BPNT2: variants seen among roughly 807,000 people sequenced by gnomAD.
BPNT2 encodes Golgi-resident adenosine 3',5'-bisphosphate 3'-phosphatase.
Under a neutral mutation model 29.3 loss-of-function variants are expected in BPNT2, and 11 were observed. The observed-to-expected ratio is 0.38, with a 90% CI of 0.24 to 0.62. The LOEUF (loss-of-function observed/expected upper bound fraction) is 0.62. BPNT2 is among the 20% of genes least tolerant of loss of function. The pLI, the probability that BPNT2 is intolerant of heterozygous loss-of-function variation, is 0.62. For missense variants in BPNT2, 459 were observed against 473.4 expected (o/e 0.97, Z 0.28); for synonymous variants, 195 against 187.7 (o/e 1.04, Z -0.32).
At chr8:56,972,891 T>C (rs988684779) in intron 3 of BPNT2, among the ~76,000 whole-genome samples, 1 of 151,742 alleles carries the variant, frequency 6.6e-6, no homozygotes, top group Non-Finnish European at 1.5e-5. Context: ...AAAATACATT[T>C]ATTAGTAAGG....
At chr8:56,969,033 G>C (rs1157549111) in intron 3 of BPNT2, among the ~76,000 whole-genome samples, 2 of 152,134 alleles carry the variant, frequency 1.3e-5, no homozygotes, top group East Asian at 1.9e-4. Flanking sequence ...TGGCTGGAGT[G>C]ATGCATCTAC....
intron 3 of BPNT2, among the ~76,000 whole-genome samples, chr8:56,975,819 A>G (rs997086389): frequency 1.3e-5 from 2 of 152,170 alleles, no homozygotes; most frequent in African/African-American, 4.8e-5. Flanking sequence ...TTTGAATAAA[A>G]TTTCTATGGT....
At chr8:56,977,206 C>T (rs188281535) in intron 3 of BPNT2, among the ~76,000 whole-genome samples, 12 of 152,190 alleles carry the variant, frequency 7.9e-5, no homozygotes, top group African/African-American at 2.9e-4. Flanking sequence ...CAATCTGTAC[C>T]ACAAACTTGG....
Position 56,971,784 on chromosome 8 carries a change from C to CA in BPNT2, c.647-5433_647-5432insT, listed in dbSNP as rs1554539117. ...TATTACTGAAATAATTTTGTACCAC[C>CA]CCCCCCCCCACAATGCTACTGTGTG... On this transcript the variant is annotated intron_variant, in intron 3 of 4. Coordinates refer to ENST00000262644, the MANE Select transcript of BPNT2 (RefSeq NM_017813.5). 5.7e-3 allele frequency among the ~76,000 whole-genome samples: 799 copies of CA among 139,604 alleles called. 44 individuals are homozygous for CA. The highest frequency in any genetic ancestry group is 0.019 in the African/African-American group (735 of 38,022). The allele number at this position is 139,604 out of a possible 152,430, so 91.6% of individuals were successfully genotyped here.
At chr8:56,987,180 G>A (rs1375041802) in intron 1 of BPNT2, among the ~76,000 whole-genome samples, 1 of 152,082 alleles carries the variant, frequency 6.6e-6, no homozygotes, top group Non-Finnish European at 1.5e-5. Context: ...AGAAGGAATC[G>A]ATCATTTACT....
At chr8:56,966,613 T>C (rs770556796) in intron 3 of BPNT2, among the ~76,000 whole-genome samples, 13 of 152,176 alleles carry the variant, frequency 8.5e-5, no homozygotes, top group African/African-American at 2.9e-4. Context: ...CTATTAAATA[T>C]TTGGCTTAAG....
intron 1 of BPNT2, among the ~76,000 whole-genome samples, chr8:56,985,895 T>A (rs995306127): frequency 1.3e-5 from 2 of 152,188 alleles, no homozygotes; most frequent in Admixed American, 1.3e-4. Flanking sequence ...TGGACAAAAA[T>A]GTGAATGCGC....
intron 3 of BPNT2, among the ~76,000 whole-genome samples, chr8:56,969,654 T>C (rs1806001158): frequency 6.6e-6 from 1 of 152,166 alleles, no homozygotes; most frequent in Non-Finnish European, 1.5e-5. Context: ...CTGACGCTTA[T>C]AGTAGTGAAC....
intron 4 of BPNT2, among the ~76,000 whole-genome samples, chr8:56,965,409 T>C (rs2129203417): frequency 6.6e-6 from 1 of 152,328 alleles, no homozygotes; most frequent in South Asian, 2.1e-4. Flanking sequence ...CACATTTGTT[T>C]TCTGACCATA....
intron 4 of BPNT2, among the ~76,000 whole-genome samples, chr8:56,965,388 AGGTTTTCC>A (rs1473694739): frequency 3.9e-4 from 59 of 152,338 alleles, no homozygotes; most frequent in Non-Finnish European, 7.3e-4. Flanking sequence ...TGTGCTGAGA[AGGTTTTCC>A]AACACATTTG....
At chr8:56,965,868 C>G (rs1805938568) in intron 4 of BPNT2, among the ~76,000 whole-genome samples, 1 of 152,174 alleles carries the variant, frequency 6.6e-6, no homozygotes, top group South Asian at 2.1e-4. Flanking sequence ...TCTTCCTCTC[C>G]TTGATATTCC....
At position 56,959,550 on chromosome 8, in the gene BPNT2, T is replaced by C. The variant is rs1310713854; in HGVS notation, c.*4243A>G. ...TATGCTACCATAAATAAATAGTCACTTTTTAAACCAAAATGACTGTAGAGG... is the reference window on the plus strand; with the variant it reads ...TATGCTACCATAAATAAATAGTCACCTTTTAAACCAAAATGACTGTAGAGG... On this transcript the variant is annotated 3_prime_UTR_variant, in exon 5 of 5. Coordinates refer to ENST00000262644, the MANE Select transcript of BPNT2 (RefSeq NM_017813.5). The C allele has an allele frequency of 6.6e-6, 1 of 152,192 alleles. No homozygotes were observed. Among genetic ancestry groups the C allele is most frequent in the African/African-American group, 2.4e-5 (1 of 41,458 alleles). 9.4% of individuals were successfully genotyped at this position (152,192 alleles called of 1,614,324 possible).
In BPNT2 at chr8:56,971,422, T is replaced by A. The variant is rs191116984; in HGVS notation, c.647-5070A>T. Among the ~76,000 whole-genome samples the A allele has an allele frequency of 2.8e-3, 432 of 152,230 alleles. 1 individual carries two copies. Among genetic ancestry groups the A allele is most frequent in the African/African-American group, 9.4e-3 (390 of 41,548 alleles). On this transcript the variant is annotated intron_variant, in intron 3 of 4. Transcript: ENST00000262644. ...ACCCTTGAACAACACAGGTTTGAAC[T>A]GTGTGGCTCCCCTTACATCCAGATA...
At chr8:56,976,296 G>A (rs1438516814) in intron 3 of BPNT2, among the ~76,000 whole-genome samples, 1 of 152,064 alleles carries the variant, frequency 6.6e-6, no homozygotes, top group Non-Finnish European at 1.5e-5. Context: ...GGCAGTCATG[G>A]GCTGCTTATA....
At chr8:56,985,354 C>T (rs1164282699) in intron 1 of BPNT2, among the ~76,000 whole-genome samples, 1 of 152,114 alleles carries the variant, frequency 6.6e-6, no homozygotes, top group Non-Finnish European at 1.5e-5. Context: ...ACCTACTCTT[C>T]CTTCCTCATC....
intron 1 of BPNT2, among the ~76,000 whole-genome samples, chr8:56,989,350 C>T (rs181244801): frequency 0.014 from 2,002 of 142,446 alleles, 41 homozygotes; most frequent in African/African-American, 0.049. Flanking sequence ...CCAGCCTGGG[C>T]GACAGAGCGA....
At chr8:56,986,009 A>G (rs1249034763) in intron 1 of BPNT2, among the ~76,000 whole-genome samples, 1 of 152,254 alleles carries the variant, frequency 6.6e-6, no homozygotes, top group Non-Finnish European at 1.5e-5. Flanking sequence ...ATCAACATCA[A>G]CTAGGTCACA....
chr8:56,982,754 AAG>A, intron 1 of BPNT2, among the ~76,000 whole-genome samples: 1 of 152,298 alleles, frequency 6.6e-6, no homozygotes, highest in East Asian at 1.9e-4. Context: ...CTTTAAGAAA[AAG>A]GGGTAGATAG....
At chr8:56,977,148 G>A (rs1263181367) in intron 3 of BPNT2, among the ~76,000 whole-genome samples, 1 of 152,088 alleles carries the variant, frequency 6.6e-6, no homozygotes, top group Admixed American at 6.6e-5. Flanking sequence ...CATTAAATCT[G>A]CAATGTGAAA....
Sources: gnomAD v4.1 joint callset for allele counts (sites outside exome capture counted in the v4.1 genomes callset) on GRCh38, gnomAD v4.1.1 for gene constraint, MANE v1.5 for transcripts, NCBI Gene and HGNC (gene_info 2026-07-23, HGNC 2026-07-21) for gene names.